The following CIROZ variants were observed in gnomAD, a reference collection of about 807,000 sequenced individuals.
The protein encoded by CIROZ is ciliated left-right organizer ZP-N domains-containing protein.
At chr1:10,959,141 C>T in the CIROZ span, among the ~76,000 whole-genome samples, 1 of 152,108 alleles carries the variant, frequency 6.6e-6, no homozygotes, top group Non-Finnish European at 1.5e-5. This position sits in a 1 kb window ranked among gnomAD's most constrained non-coding sequence, Gnocchi z 4.3. Context: ...CTTTTTCTTT[C>T]CACTTTGGAT....
the CIROZ span, among the ~76,000 whole-genome samples, chr1:10,981,732 C>A: frequency 1.3e-5 from 2 of 152,146 alleles, no homozygotes; most frequent in South Asian, 4.1e-4. Context: ...TGTTTTCTCC[C>A]AATCTTCTGG....
the CIROZ span, chr1:10,955,152 G>A: frequency 6.2e-7 from 1 of 1,612,132 alleles, no homozygotes; most frequent in African/African-American, 1.3e-5. Context: ...GCTTGGGGAT[G>A]TGAACTAAGA....
chr1:10,954,926 G>A, the CIROZ span: 14 of 1,495,720 alleles, frequency 9.4e-6, no homozygotes, highest in Non-Finnish European at 1.3e-5. Context: ...TATGGCATCG[G>A]TGACCAAAGG....
At chr1:10,949,294 G>A in the CIROZ span, 2 of 367,408 alleles carry the variant, frequency 5.4e-6, no homozygotes, top group East Asian at 5.8e-5. Context: ...GTGTGCCTCA[G>A]TTTCCCTCCC....
the CIROZ span, chr1:10,970,060 C>G: frequency 6.6e-7 from 1 of 1,508,546 alleles, no homozygotes; most frequent in Non-Finnish European, 8.9e-7. Flanking sequence ...GAGAAGCACT[C>G]AACTGTGTCT....
the CIROZ span, chr1:10,958,745 C>A: frequency 1.9e-6 from 3 of 1,613,834 alleles, no homozygotes; most frequent in Admixed American, 1.7e-5. Flanking sequence ...GGGCAGGGGC[C>A]GGGAGACCTG....
chr1:10,977,678 C>T, the CIROZ span, among the ~76,000 whole-genome samples: 1 of 152,036 alleles, frequency 6.6e-6, no homozygotes, highest in East Asian at 1.9e-4. Flanking sequence ...GGAACCTCCC[C>T]CATGAAATTT....
chr1:10,962,899 C>T, the CIROZ span, among the ~76,000 whole-genome samples: 3 of 152,204 alleles, frequency 2.0e-5, no homozygotes, highest in African/African-American at 7.2e-5. Context: ...GTGAGAGGAT[C>T]GCCTGAAGCC....
At chr1:10,966,272 G>T in the CIROZ span, 1 of 1,394,340 alleles carries the variant, frequency 7.2e-7, no homozygotes, top group Non-Finnish European at 9.4e-7. Flanking sequence ...TAATGGTGCA[G>T]TGTCTCCTTA....
At chr1:10,948,401 C>T in the CIROZ span, 1 of 1,613,198 alleles carries the variant, frequency 6.2e-7, no homozygotes, top group South Asian at 1.1e-5. Flanking sequence ...CGGGCTCCCC[C>T]ATGATGGGCT....
At chr1:10,952,569 GC>G in the CIROZ span, among the ~76,000 whole-genome samples, 1 of 152,060 alleles carries the variant, frequency 6.6e-6, no homozygotes, top group Non-Finnish European at 1.5e-5. Flanking sequence ...TTGCTCTGTT[GC>G]CCAGGCTGGA....
the CIROZ span, chr1:10,949,855 A>C: frequency 6.7e-7 from 1 of 1,486,444 alleles, no homozygotes; most frequent in Non-Finnish European, 9.0e-7. Context: ...CTCCTAAGGA[A>C]GCAAAATCCT....
the CIROZ span, chr1:10,976,072 G>T: frequency 2.6e-6 from 3 of 1,168,630 alleles, no homozygotes; most frequent in Non-Finnish European, 3.6e-6. Context: ...GTTGCCCAGT[G>T]TCACCCAGCA....
the CIROZ span, among the ~76,000 whole-genome samples, chr1:10,950,079 G>A: frequency 6.8e-6 from 1 of 147,346 alleles, no homozygotes; most frequent in Non-Finnish European, 1.5e-5. Flanking sequence ...CTGTGGCCAG[G>A]CTGGAGTGTA....
chr1:10,962,431 A>T, the CIROZ span, among the ~76,000 whole-genome samples: 1 of 152,202 alleles, frequency 6.6e-6, no homozygotes, highest in Non-Finnish European at 1.5e-5. Context: ...TGGGTGACAG[A>T]ACGAGACTGC....
the CIROZ span, among the ~76,000 whole-genome samples, chr1:10,962,004 T>G: frequency 6.6e-6 from 1 of 152,090 alleles, no homozygotes. Flanking sequence ...TCAGCAGCCT[T>G]TTCACTCCAA....
the CIROZ span, chr1:10,958,684 G>A: frequency 2.9e-5 from 47 of 1,613,492 alleles, no homozygotes; most frequent in Non-Finnish European, 3.5e-5. Flanking sequence ...CCAGAGAGTT[G>A]CTCCTGCTAC....
At chr1:10,967,432 C>A in the CIROZ span, among the ~76,000 whole-genome samples, 4 of 152,170 alleles carry the variant, frequency 2.6e-5, no homozygotes, top group Admixed American at 2.6e-4. Context: ...GCAAATGTTG[C>A]CTTCTCCATG....
the CIROZ span, among the ~76,000 whole-genome samples, chr1:10,979,297 G>A: frequency 3.8e-4 from 58 of 152,078 alleles, 1 homozygote; most frequent in South Asian, 0.012. Flanking sequence ...CCCAGGGCAA[G>A]GATCTCACAT....
Sources: allele counts gnomAD v4.1 joint callset (sites outside exome capture counted in the v4.1 genomes callset), GRCh38; gene constraint gnomAD v4.1.1; non-coding constraint Gnocchi (gnomAD v3.1); transcripts MANE v1.5; gene names NCBI Gene and HGNC (gene_info 2026-07-23, HGNC 2026-07-21).